NELL1: variants seen among roughly 807,000 people sequenced by gnomAD.
NELL1 encodes protein kinase C-binding protein NELL1.
In NELL1, 76 loss-of-function variants were observed where a neutral mutation model predicts 107.4. The observed-to-expected ratio is 0.71, with a 90% CI of 0.59 to 0.86. The LOEUF (loss-of-function observed/expected upper bound fraction) is 0.86. NELL1 is among the 40% of genes least tolerant of loss of function. The probability of loss-of-function intolerance (pLI) is 0.00; values close to 1 mark genes in which losing one functional copy is unlikely to be tolerated. For missense variants in NELL1, 1,024 were observed against 1,005.5 expected (o/e 1.02, Z -0.25); for synonymous variants, 353 against 341.2 (o/e 1.03, Z -0.38).
rs142704370 is a variant in NELL1 at position 20,704,162 on chromosome 11, G to T, written c.184+26102G>T. 5.7e-3 allele frequency among the ~76,000 whole-genome samples: 863 copies of T among 152,234 alleles called. 4 individuals carry two copies. The highest frequency in any genetic ancestry group is 9.7e-3 in the Non-Finnish European group (661 of 68,004). ...CTAAGTCTCTTTGTAGGTCTCTAAG[G>T]TCTTGCTTTATGAATCTGGGAGCTG... On this transcript the variant is annotated intron_variant, in intron 2 of 19. Coordinates refer to ENST00000357134, the MANE Select transcript of NELL1 (RefSeq NM_006157.5).
intron 15 of NELL1, among the ~76,000 whole-genome samples, chr11:21,417,346 C>A (rs1852542493): frequency 6.6e-6 from 1 of 151,898 alleles, no homozygotes; most frequent in Non-Finnish European, 1.5e-5. Context: ...GGTATTTACT[C>A]AGAAGTTACT....
Position 21,351,459 on chromosome 11 carries a change from T to C in NELL1, c.1550-19394T>C, listed in dbSNP as rs1298740761. On this transcript the variant is annotated intron_variant, in intron 14 of 19. Coordinates refer to ENST00000357134, the MANE Select transcript of NELL1 (RefSeq NM_006157.5). ...GTCAAGTGAGAGTTACCTGATTTAC[T>C]AATGGGAAAAATAATTGCAGGCAGA... Among the ~76,000 whole-genome samples the C allele has an allele frequency of 2.0e-5, 3 of 151,136 alleles. No homozygotes were observed. The East Asian group carries it at 5.8e-4, about 29-fold the overall frequency.
chr11:20,782,682 A>G (rs1302259867), intron 2 of NELL1, among the ~76,000 whole-genome samples: 1 of 152,242 alleles, frequency 6.6e-6, no homozygotes. Flanking sequence ...AGAAATAACC[A>G]TGTAGTTATC....
chr11:21,203,834 G>C (rs1453149629), intron 13 of NELL1, among the ~76,000 whole-genome samples: 1 of 152,136 alleles, frequency 6.6e-6, no homozygotes, highest in Non-Finnish European at 1.5e-5. Context: ...GCATTTGCCT[G>C]TCTGTAAAGT....
chr11:21,546,740 C>G (rs543396875), intron 16 of NELL1, among the ~76,000 whole-genome samples: 1 of 152,060 alleles, frequency 6.6e-6, no homozygotes, highest in South Asian at 2.1e-4. Context: ...TCAGGTATTT[C>G]TTTATTAGTG....
At chr11:21,550,579 A>G (rs563801996) in intron 16 of NELL1, among the ~76,000 whole-genome samples, 1 of 152,080 alleles carries the variant, frequency 6.6e-6, no homozygotes, top group East Asian at 1.9e-4. Context: ...TTTTCCCAGC[A>G]CCATTTATTA....
At chr11:21,067,290 A>G (rs920488342) in intron 12 of NELL1, among the ~76,000 whole-genome samples, 4 of 152,218 alleles carry the variant, frequency 2.6e-5, no homozygotes, top group Admixed American at 6.5e-5. Context: ...ATTTCTGGAC[A>G]GCGCTGAAGT....
At chr11:21,074,578 C>T (rs1007676497) in intron 12 of NELL1, among the ~76,000 whole-genome samples, 1 of 152,062 alleles carries the variant, frequency 6.6e-6, no homozygotes, top group Non-Finnish European at 1.5e-5. Context: ...ACTCTAACTG[C>T]TCTCTAGAAT....
At chr11:21,031,023 T>A (rs1010223987) in intron 12 of NELL1, among the ~76,000 whole-genome samples, 2 of 152,166 alleles carry the variant, frequency 1.3e-5, no homozygotes, top group African/African-American at 4.8e-5. Context: ...GTGCACGGCT[T>A]TTCTTAATTT....
intron 12 of NELL1, among the ~76,000 whole-genome samples, chr11:21,028,186 C>A (rs1054842782): frequency 2.6e-5 from 4 of 152,130 alleles, no homozygotes; most frequent in Non-Finnish European, 5.9e-5. Flanking sequence ...ATAAGATGTC[C>A]TTGTTTGGGG....
chr11:21,492,694 A>G (rs1488433522), intron 15 of NELL1, among the ~76,000 whole-genome samples: 7 of 139,762 alleles, frequency 5.0e-5, no homozygotes, highest in Admixed American at 2.4e-4. Flanking sequence ...GAATTGAACA[A>G]TGAGAACACA....
At chr11:20,689,866 C>T (rs1051913127) in intron 2 of NELL1, among the ~76,000 whole-genome samples, 1 of 151,414 alleles carries the variant, frequency 6.6e-6, no homozygotes, top group African/African-American at 2.4e-5. Context: ...GCCACACTGA[C>T]TTCCACAATG....
At chr11:21,532,386 T>C (rs1313851758) in intron 15 of NELL1, among the ~76,000 whole-genome samples, 1 of 152,246 alleles carries the variant, frequency 6.6e-6, no homozygotes, top group Admixed American at 6.5e-5. Context: ...TCAACACTTC[T>C]GTTCTTCCTA....
intron 13 of NELL1, among the ~76,000 whole-genome samples, chr11:21,190,358 A>C (rs577756621): frequency 6.6e-6 from 1 of 151,904 alleles, no homozygotes; most frequent in Non-Finnish European, 1.5e-5. Context: ...TCTCCAAAAC[A>C]AAAAACAAAC....
At chr11:20,812,443 C>T (rs1857520600) in intron 3 of NELL1, among the ~76,000 whole-genome samples, 1 of 152,148 alleles carries the variant, frequency 6.6e-6, no homozygotes, top group African/African-American at 2.4e-5. Context: ...GTATCCTTTT[C>T]TGGCTTTGTC....
intron 15 of NELL1, among the ~76,000 whole-genome samples, chr11:21,528,962 G>T (rs1255582512): frequency 6.6e-6 from 1 of 151,852 alleles, no homozygotes; most frequent in Non-Finnish European, 1.5e-5. Flanking sequence ...ATCAGTATGA[G>T]TTCTAACCTG....
intron 14 of NELL1, among the ~76,000 whole-genome samples, chr11:21,268,357 T>G (rs1199960503): frequency 1.3e-5 from 2 of 152,114 alleles, no homozygotes; most frequent in African/African-American, 4.8e-5. Context: ...GAAGAAACCA[T>G]GTGGACATAT....
At chr11:21,100,660 G>C (rs1854782858) in intron 12 of NELL1, among the ~76,000 whole-genome samples, 1 of 152,154 alleles carries the variant, frequency 6.6e-6, no homozygotes, top group South Asian at 2.1e-4. Flanking sequence ...CAATGTTGCA[G>C]CATTATTCAC....
intron 14 of NELL1, among the ~76,000 whole-genome samples, chr11:21,229,966 G>T (rs986329587): frequency 6.6e-6 from 1 of 152,104 alleles, no homozygotes; most frequent in East Asian, 1.9e-4. Flanking sequence ...TTCAGCATCT[G>T]GTCCCTGGCT....
Sources: allele counts gnomAD v4.1 joint callset (sites outside exome capture counted in the v4.1 genomes callset), GRCh38; gene constraint gnomAD v4.1.1; transcripts MANE v1.5; gene names NCBI Gene and HGNC (gene_info 2026-07-23, HGNC 2026-07-21).